CDH11: variants seen among roughly 807,000 people sequenced by gnomAD.
CDH11 encodes cadherin 11.
A neutral mutation model predicts 67.8 loss-of-function variants in CDH11; 11 were observed. That is an observed-to-expected ratio of 0.16 (90% CI 0.10 to 0.27). CDH11 has a LOEUF of 0.27. Ranked by LOEUF, CDH11 falls within the 10% of genes least tolerant of loss-of-function variation. The pLI is 1.00. For synonymous variants in CDH11, 419 were observed against 400.0 expected (o/e 1.05, Z -0.57); for missense variants, 847 against 1,031.2 (o/e 0.82, Z 2.45).
At chr16:65,062,365 A>AAC (rs536853430) in intron 1 of CDH11, among the ~76,000 whole-genome samples, 10 of 151,934 alleles carry the variant, frequency 6.6e-5, no homozygotes, top group South Asian at 2.1e-4. Context: ...AAGTACTGCA[A>AAC]ACACACACAC....
chr16:65,065,838 C>G (rs2074304412), intron 1 of CDH11, among the ~76,000 whole-genome samples: 2 of 152,208 alleles, frequency 1.3e-5, no homozygotes, highest in Non-Finnish European at 2.9e-5. Context: ...CTCAAGGTCT[C>G]CTTGGATTGG....
At chr16:64,951,739 G>A (rs1009133702) in intron 11 of CDH11, among the ~76,000 whole-genome samples, 12 of 152,138 alleles carry the variant, frequency 7.9e-5, no homozygotes, top group African/African-American at 2.2e-4. Context: ...GAAATTCCAA[G>A]TCCACCTTCA....
At chr16:65,068,127 G>A (rs1216291789) in intron 1 of CDH11, among the ~76,000 whole-genome samples, 1 of 134,474 alleles carries the variant, frequency 7.4e-6, no homozygotes, top group African/African-American at 2.8e-5. Context: ...AGGAGGGAGG[G>A]AGGGGGCAGG....
At chr16:64,958,404 GTTATTA>G (rs71376749) in intron 11 of CDH11, among the ~76,000 whole-genome samples, 71,198 of 151,514 alleles carry the variant, frequency 0.47, 17,376 homozygotes, top group East Asian at 0.66. Flanking sequence ...TTATTATTCT[GTTATTA>G]TTATTTAAAT....
At chr16:64,981,424 T>A (rs74509355) in intron 8 of CDH11, 1 of 1,512 alleles carries the variant, frequency 6.6e-4, no homozygotes, top group African/African-American at 2.3e-3. Context: ...TGGATCACAT[T>A]TTTTTTGTCA....
At position 65,121,230 on chromosome 16, in the gene CDH11, G is replaced by A. The variant is rs977178790; in HGVS notation, c.-298+650C>T. Among the ~76,000 whole-genome samples, 4 of 152,220 alleles carry A rather than the reference G, an allele frequency of 2.6e-5. No homozygotes were observed. Among genetic ancestry groups the A allele is most frequent in the Non-Finnish European group, 5.9e-5 (4 of 68,046 alleles). ...GCTCCCGCAGAGACTCGGGCTGGAG[G>A]GCTGTAGCGCACCGCAGCCTGCTGC... is the stretch of plus-strand genomic sequence containing the variant. On this transcript the variant is annotated intron_variant, in intron 1 of 12. Transcript: ENST00000268603. This position sits in a 1 kb window ranked among gnomAD's most constrained non-coding sequence, Gnocchi z 4.1.
intron 12 of CDH11, chr16:64,948,774 T>C (rs2071267519): frequency 6.3e-7 from 1 of 1,598,704 alleles, no homozygotes; most frequent in Non-Finnish European, 8.5e-7. Context: ...GGGGTTCCAT[T>C]AAGCTTGGGC....
chr16:64,981,367 A>C (rs1170473513), intron 8 of CDH11: 1 of 152,078 alleles, frequency 6.6e-6, no homozygotes, highest in African/African-American at 2.4e-5. Context: ...TAGCCTTCCC[A>C]AAGTGATGAG....
intron 2 of CDH11, among the ~76,000 whole-genome samples, chr16:65,019,825 C>T (rs2073385972): frequency 1.3e-5 from 2 of 152,052 alleles, no homozygotes; most frequent in African/African-American, 4.8e-5. Context: ...TATGAACCTT[C>T]CACAACTTGC....
intron 4 of CDH11, 71 bp from the exon 5 acceptor site, chr16:64,993,105 T>C: frequency 7.4e-7 from 1 of 1,345,482 alleles, no homozygotes; most frequent in Non-Finnish European, 1.1e-6. Flanking sequence ...TTACAAAGTT[T>C]TATTCTAAAA....
At chr16:65,080,409 T>G (rs193072341) in intron 1 of CDH11, among the ~76,000 whole-genome samples, 1 of 152,216 alleles carries the variant, frequency 6.6e-6, no homozygotes, top group South Asian at 2.1e-4. Context: ...TGTACATATT[T>G]CAGATTATTT....
chr16:65,023,039 T>G (rs971708684), intron 2 of CDH11, among the ~76,000 whole-genome samples: 3 of 152,024 alleles, frequency 2.0e-5, no homozygotes, highest in Non-Finnish European at 4.4e-5. Context: ...CATTTGGGCA[T>G]TGAGAGAAAA....
At chr16:64,965,442 C>G (rs1238551192) in intron 11 of CDH11, among the ~76,000 whole-genome samples, 1 of 151,894 alleles carries the variant, frequency 6.6e-6, no homozygotes, top group Non-Finnish European at 1.5e-5. Context: ...TGTGCCTACA[C>G]AGGATCAGGA....
chr16:65,072,065 T>C (rs1263797054), intron 1 of CDH11: 2 of 152,240 alleles, frequency 1.3e-5, no homozygotes, highest in African/African-American at 2.4e-5. Flanking sequence ...ACGAAGGTCA[T>C]GGTGCAGCAG....
At chr16:65,068,898 A>G (rs1382580260) in intron 1 of CDH11, among the ~76,000 whole-genome samples, 1 of 152,230 alleles carries the variant, frequency 6.6e-6, no homozygotes, top group Non-Finnish European at 1.5e-5. Context: ...ATTATAAAAA[A>G]TAGAAAAAGA....
chr16:65,042,654 G>A (rs529985936), intron 2 of CDH11, among the ~76,000 whole-genome samples: 13 of 152,194 alleles, frequency 8.5e-5, no homozygotes, highest in Non-Finnish European at 1.8e-4. Context: ...AATAAGGACC[G>A]TAGAGAATTG....
At chr16:65,095,480 A>C (rs1024413324) in intron 1 of CDH11, among the ~76,000 whole-genome samples, 1 of 152,204 alleles carries the variant, frequency 6.6e-6, no homozygotes, top group Non-Finnish European at 1.5e-5. Context: ...TTATACAATT[A>C]AGCAATAATC....
At chr16:65,019,753 T>A (rs373021989) in intron 2 of CDH11, among the ~76,000 whole-genome samples, 2 of 152,130 alleles carry the variant, frequency 1.3e-5, no homozygotes, top group African/African-American at 2.4e-5. Flanking sequence ...AAATATTGAA[T>A]AATATCCTTT....
At chr16:65,019,873 T>C (rs2073387046) in intron 2 of CDH11, among the ~76,000 whole-genome samples, 1 of 152,134 alleles carries the variant, frequency 6.6e-6, no homozygotes, top group African/African-American at 2.4e-5. Flanking sequence ...CTTAAAACAA[T>C]TCTTTAACCC....
Sources: gnomAD v4.1 joint callset for allele counts (sites outside exome capture counted in the v4.1 genomes callset) on GRCh38, gnomAD v4.1.1 for gene constraint, Gnocchi (gnomAD v3.1) non-coding constraint, MANE v1.5 for transcripts, NCBI Gene and HGNC (gene_info 2026-07-23, HGNC 2026-07-21) for gene names.